DNAAF9: variants seen among roughly 807,000 people sequenced by gnomAD.
The protein encoded by DNAAF9 is dynein axonemal assembly factor 9.
In DNAAF9, 90 loss-of-function variants were observed where a neutral mutation model predicts 167.0. The observed-to-expected ratio is 0.54, with a 90% CI of 0.45 to 0.64. The LOEUF (loss-of-function observed/expected upper bound fraction) is 0.64. Among genes scored for constraint, DNAAF9 ranks in the 30% least tolerant of loss-of-function variants. DNAAF9 has a pLI of 0.00. For missense variants in DNAAF9, 1,315 were observed against 1,442.2 expected (o/e 0.91, Z 1.43); for synonymous variants, 491 against 508.8 (o/e 0.96, Z 0.47).
chr20:3,383,271 CT>C (rs11087581), intron 1 of DNAAF9, among the ~76,000 whole-genome samples: 4,751 of 114,274 alleles, frequency 0.042, 202 homozygotes, highest in East Asian at 0.16. Context: ...TTCCCTAACA[CT>C]TTTTTTTTTT....
rs866307863 is a variant in DNAAF9 at position 3,353,643 on chromosome 20, C to A, written c.691-5020G>T. ...ACCCTGTCCCCCCGCACCACCCCCC[C>A]CCCCGCAAAAAAAAAGGCTATTAAT... On this transcript the variant is annotated intron_variant, in intron 7 of 36. Coordinates refer to ENST00000252032, the MANE Select transcript of DNAAF9 (RefSeq NM_001009984.3). 6.4e-4 allele frequency among the ~76,000 whole-genome samples: 87 copies of A among 136,036 alleles called. 1 individual carries two copies. The highest frequency in any genetic ancestry group is 1.8e-3 in the African/African-American group (69 of 37,684). The allele number at this position is 136,036 out of a possible 152,430, so 89.2% of individuals were successfully genotyped here.
intron 29 of DNAAF9, among the ~76,000 whole-genome samples, chr20:3,276,761 G>C (rs1399497344): frequency 2.6e-5 from 4 of 152,200 alleles, no homozygotes. Context: ...GGCTCTGAAA[G>C]GAAAAGAAGG....
chr20:3,374,256 C>T (rs1032543764), intron 5 of DNAAF9, 102 bp from the exon 6 acceptor site: 2 of 631,988 alleles, frequency 3.2e-6, no homozygotes, highest in Non-Finnish European at 5.5e-6. Context: ...CTCACGTGGT[C>T]ACCAGGGCCT....
intron 7 of DNAAF9, among the ~76,000 whole-genome samples, chr20:3,349,428 G>A (rs570908298): frequency 6.6e-6 from 1 of 152,150 alleles, no homozygotes; most frequent in East Asian, 1.9e-4. Context: ...CCTTATTTTA[G>A]CAACCCTGTT....
intron 8 of DNAAF9, 128 bp from the exon 9 acceptor site, chr20:3,343,859 G>GCA: frequency 1.6e-6 from 1 of 631,854 alleles, no homozygotes; most frequent in East Asian, 2.8e-5. Context: ...GTGTGTGTGT[G>GCA]CGTGTGTGCA....
At chr20:3,317,769 GTA>G (rs1467909951) in intron 17 of DNAAF9, among the ~76,000 whole-genome samples, 2 of 152,034 alleles carry the variant, frequency 1.3e-5, no homozygotes, top group East Asian at 3.9e-4. Context: ...GCTAATTTTT[GTA>G]TTTTTAGTAG....
chr20:3,351,851 T>TTTA (rs199922795), intron 7 of DNAAF9, among the ~76,000 whole-genome samples: 28,762 of 150,260 alleles, frequency 0.19, 2,904 homozygotes, highest in African/African-American at 0.23. Flanking sequence ...TATTTATTTA[T>TTTA]TTATTTATTT....
chr20:3,362,999 C>T (rs751542089), intron 6 of DNAAF9, among the ~76,000 whole-genome samples: 8 of 152,198 alleles, frequency 5.3e-5, no homozygotes, highest in Admixed American at 2.6e-4. Flanking sequence ...GAGGCCGAGG[C>T]GGGCAGATCA....
chr20:3,373,376 T>C (rs907705820), intron 6 of DNAAF9, among the ~76,000 whole-genome samples: 3 of 152,360 alleles, frequency 2.0e-5, no homozygotes, highest in East Asian at 3.9e-4. Context: ...TGGAGGCACA[T>C]GGATACTCGT....
intron 9 of DNAAF9, 59 bp downstream of exon 9, chr20:3,343,617 T>G (rs1184265142): frequency 1.4e-6 from 2 of 1,402,392 alleles, no homozygotes; most frequent in Non-Finnish European, 2.0e-6. Flanking sequence ...AGCCAACCCC[T>G]TTGCCACCTC....
intron 6 of DNAAF9, among the ~76,000 whole-genome samples, chr20:3,368,638 G>A (rs1191445932): frequency 1.3e-5 from 2 of 150,998 alleles, no homozygotes; most frequent in Non-Finnish European, 3.0e-5. Flanking sequence ...TCAGCCTCCC[G>A]AGTAGCTGGG....
chr20:3,359,874 T>C (rs1043642057), intron 6 of DNAAF9, among the ~76,000 whole-genome samples: 1 of 152,242 alleles, frequency 6.6e-6, no homozygotes, highest in Admixed American at 6.5e-5. Flanking sequence ...GTATATTGTA[T>C]ATTTTTTGCC....
At chr20:3,266,124 A>T (rs1210301187) in intron 30 of DNAAF9, among the ~76,000 whole-genome samples, 1 of 152,196 alleles carries the variant, frequency 6.6e-6, no homozygotes, top group Non-Finnish European at 1.5e-5. Flanking sequence ...AATTCTCATA[A>T]TTAGATTCAG....
rs755670492 is a variant in DNAAF9 at position 3,260,045 on chromosome 20, A to G, written c.2874-17T>C. 1.0e-5 allele frequency: 15 copies of G among 1,497,238 alleles called. No homozygotes were observed. The highest frequency in any genetic ancestry group is 1.3e-5 in the Non-Finnish European group (14 of 1,073,480). 92.7% of individuals were successfully genotyped at this position (1,497,238 alleles called of 1,614,324 possible). A position where few individuals can be genotyped will look rare whatever the true frequency, so the allele number is the denominator to read the frequency against. The stretch of plus-strand genomic sequence containing the variant: ...CCTTCATACCTTAAAAGGTTTAAAA[A>G]ATTTTAAGTACAGGCCGGGCGCGGT... On this transcript the variant is annotated splice_polypyrimidine_tract_variant and intron_variant, in intron 31 of 36. Transcript: ENST00000252032.
chr20:3,312,721 G>C (rs1176842308), intron 20 of DNAAF9, among the ~76,000 whole-genome samples: 2 of 152,098 alleles, frequency 1.3e-5, no homozygotes, highest in African/African-American at 4.8e-5. Flanking sequence ...TTCCTCAAGA[G>C]AGTCCACAAA....
Position 3,298,088 on chromosome 20 carries a change from T to C in DNAAF9, c.1870A>G (p.Asn624Asp). The C allele has an allele frequency of 2.5e-6, 4 of 1,613,064 alleles. No homozygotes were observed. The highest frequency in any genetic ancestry group is 2.2e-5 in the East Asian group (1 of 44,864). The change falls in exon 22 of 37, where the codon AAT becomes GAT. Residue 624 changes from asparagine to aspartate, a missense_variant. Asn to Asp is a conservative substitution (Grantham distance 23). Coordinates refer to ENST00000252032, the MANE Select transcript of DNAAF9 (RefSeq NM_001009984.3). ...HLPVHFHGSS[N>D]FLMIALFPKS... Reference sequence around the variant, plus strand: ...GGGAAAAGGGCAATCATCAGAAAATTGCTTGATCCATGGAAATGAACTGGG... The same window carrying C: ...GGGAAAAGGGCAATCATCAGAAAATCGCTTGATCCATGGAAATGAACTGGG...
chr20:3,296,748 T>G (rs1050164288), intron 23 of DNAAF9, 113 bp downstream of exon 23: 11 of 717,718 alleles, frequency 1.5e-5, no homozygotes, highest in Admixed American at 6.8e-5. Context: ...AATGTCTGTG[T>G]TGACCCTTTC....
intron 21 of DNAAF9, among the ~76,000 whole-genome samples, chr20:3,300,678 A>AAATAATAATAATAAT (rs34199778): frequency 7.5e-6 from 1 of 134,086 alleles, no homozygotes; most frequent in Non-Finnish European, 1.6e-5. Flanking sequence ...GACTCCATCT[A>AAATAATAATAATAAT]AATAATAATA....
chr20:3,324,126 T>A (rs1279777647), intron 14 of DNAAF9, among the ~76,000 whole-genome samples: 1 of 152,194 alleles, frequency 6.6e-6, no homozygotes, highest in African/African-American at 2.4e-5. Flanking sequence ...GGCTCTTTCT[T>A]CCACTCCTGG....
Sources: allele counts gnomAD v4.1 joint callset (sites outside exome capture counted in the v4.1 genomes callset), GRCh38; gene constraint gnomAD v4.1.1; transcripts MANE v1.5; gene names NCBI Gene and HGNC (gene_info 2026-07-23, HGNC 2026-07-21).